Variants in CSGALNACT1 observed in about 807,000 individuals in gnomAD.
The protein encoded by CSGALNACT1 is beta4GalNAcT-1.
A neutral mutation model predicts 51.0 loss-of-function variants in CSGALNACT1; 52 were observed. The observed-to-expected ratio is 1.02, with a 90% confidence interval of 0.82 to 1.29. The LOEUF (loss-of-function observed/expected upper bound fraction) is 1.29, where lower values mean the gene tolerates loss of function less well. CSGALNACT1 is among the 50% of genes most tolerant of loss of function. The pLI, the probability that CSGALNACT1 is intolerant of heterozygous loss-of-function variation, is 0.00. For missense variants in CSGALNACT1, 935 were observed against 679.2 expected (o/e 1.38, Z -4.19); for synonymous variants, 341 against 254.4 (o/e 1.34, Z -3.24).
chr8:19,599,472 A>AAAAGAGAG (rs1554751248), intron 2 of CSGALNACT1, among the ~76,000 whole-genome samples: 1 of 113,736 alleles, frequency 8.8e-6, no homozygotes, highest in Non-Finnish European at 1.7e-5. Context: ...GAAAGAAAGA[A>AAAAGAGAG]AAAGAAAGAA....
chr8:19,635,357 G>C (rs2055892742), intron 1 of CSGALNACT1, among the ~76,000 whole-genome samples: 1 of 152,200 alleles, frequency 6.6e-6, no homozygotes, highest in African/African-American at 2.4e-5. Flanking sequence ...AGCATCTCCT[G>C]ATGTGTGTTG....
intron 1 of CSGALNACT1, among the ~76,000 whole-genome samples, chr8:19,610,750 T>C (rs1321222627): frequency 6.6e-6 from 1 of 152,192 alleles, no homozygotes; most frequent in Admixed American, 6.5e-5. Flanking sequence ...CTTGCACCCA[T>C]TCTGCAAAGC....
chr8:19,413,987 G>A (rs1387243156), intron 8 of CSGALNACT1, among the ~76,000 whole-genome samples: 3 of 152,160 alleles, frequency 2.0e-5, no homozygotes, highest in African/African-American at 4.8e-5. Context: ...CCCAACAAGG[G>A]CTCAGGGCTT....
chr8:19,752,895 A>G (rs2065128895), intron 1 of CSGALNACT1, among the ~76,000 whole-genome samples: 2 of 152,218 alleles, frequency 1.3e-5, no homozygotes, highest in Admixed American at 1.3e-4. Flanking sequence ...TCTAGCAAAC[A>G]ATTATTTTTG....
At chr8:19,449,958 A>T (rs2062803135) in intron 5 of CSGALNACT1, among the ~76,000 whole-genome samples, 1 of 151,126 alleles carries the variant, frequency 6.6e-6, no homozygotes, top group Non-Finnish European at 1.5e-5. Flanking sequence ...CAGACAATGA[A>T]GTAACCGGCT....
At chr8:19,627,249 T>G (rs1264841301) in intron 1 of CSGALNACT1, among the ~76,000 whole-genome samples, 1 of 152,106 alleles carries the variant, frequency 6.6e-6, no homozygotes, top group Non-Finnish European at 1.5e-5. Context: ...ACAAACCAGA[T>G]GGATGGATCT....
At chr8:19,684,225 G>C (rs1009989202), upstream of CSGALNACT1, among the ~76,000 whole-genome samples, 3 of 152,008 alleles carry the variant, frequency 2.0e-5, no homozygotes, top group Non-Finnish European at 4.4e-5. Context: ...CAGACAGGCA[G>C]ATCAATGCAA....
At chr8:19,619,619 G>C (rs1221345265) in intron 1 of CSGALNACT1, among the ~76,000 whole-genome samples, 1 of 152,180 alleles carries the variant, frequency 6.6e-6, no homozygotes, top group Admixed American at 6.5e-5. Flanking sequence ...TCAGGGCTCA[G>C]TGATTGTTGT....
intron 1 of CSGALNACT1, among the ~76,000 whole-genome samples, chr8:19,610,462 T>A (rs954619735): frequency 2.0e-4 from 31 of 151,970 alleles, no homozygotes; most frequent in Non-Finnish European, 2.2e-4. Context: ...CAACCCATCC[T>A]GTGCCTATAA....
chr8:19,420,667 C>T (rs112331977), intron 6 of CSGALNACT1, 149 bp from the exon 6 acceptor site: 14 of 813,404 alleles, frequency 1.7e-5, no homozygotes, highest in African/African-American at 6.7e-5. Context: ...TACAGAACGG[C>T]CCAGACTCAC....
At position 19,608,330 on chromosome 8, in the gene CSGALNACT1, G is replaced by C. The variant is rs926779339; in HGVS notation, c.-543-6465C>G. On this transcript the variant is annotated intron_variant, in intron 1 of 9. Transcript: ENST00000332246. ...CACCTACTCCAACACAACAATGGAAGTAGCGGTATGGGGAGGGCAGAGGTG... is the reference window on the plus strand; with the variant it reads ...CACCTACTCCAACACAACAATGGAACTAGCGGTATGGGGAGGGCAGAGGTG... Among the ~76,000 whole-genome samples the C allele has an allele frequency of 2.0e-5, 3 of 152,184 alleles. No homozygotes were observed. The South Asian group carries it at 6.2e-4, about 32-fold the overall frequency.
chr8:19,508,857 A>G (rs953121606), intron 3 of CSGALNACT1, among the ~76,000 whole-genome samples: 1 of 152,218 alleles, frequency 6.6e-6, no homozygotes, highest in Non-Finnish European at 1.5e-5. Flanking sequence ...TAAATCGGTG[A>G]TTTGAAAATT....
At chr8:19,661,985 C>T (rs910821316) in intron 1 of CSGALNACT1, among the ~76,000 whole-genome samples, 5 of 150,664 alleles carry the variant, frequency 3.3e-5, no homozygotes, top group African/African-American at 4.9e-5. Context: ...CTGGTGTTCA[C>T]TATCCTGGGA....
chr8:19,621,002 ATGT>A (rs2053756381), intron 1 of CSGALNACT1, among the ~76,000 whole-genome samples: 1 of 152,202 alleles, frequency 6.6e-6, no homozygotes, highest in South Asian at 2.1e-4. Flanking sequence ...CACCGTAAAA[ATGT>A]TGTGAGAAGT....
intron 5 of CSGALNACT1, among the ~76,000 whole-genome samples, chr8:19,447,262 T>C (rs1396914319): frequency 6.6e-6 from 1 of 152,188 alleles, no homozygotes; most frequent in African/African-American, 2.4e-5. Context: ...GTCTGACAGC[T>C]TTGAACTCAC....
intron 1 of CSGALNACT1, among the ~76,000 whole-genome samples, chr8:19,735,712 C>T (rs921834096): frequency 2.0e-5 from 3 of 152,102 alleles, no homozygotes; most frequent in Admixed American, 6.5e-5. Context: ...AACAACTTTA[C>T]ATGAAAAATT....
At chr8:19,641,820 C>T (rs928030727) in intron 1 of CSGALNACT1, 4 of 152,138 alleles carry the variant, frequency 2.6e-5, no homozygotes, top group Admixed American at 6.5e-5. Flanking sequence ...GGTTGTTGGC[C>T]GGGGCTTTGC....
rs181369412 is a variant in CSGALNACT1 at position 19,425,290 on chromosome 8, G to A, written c.954-4772C>T. ...TGGGAAATGGAGGTTGCTGTGAGCC[G>A]AGATCGTGCCATTGTGCTCTAACTT... On this transcript the variant is annotated intron_variant, in intron 6 of 9. Coordinates refer to ENST00000454498, the Ensembl canonical transcript of CSGALNACT1. Among the ~76,000 whole-genome samples the A allele has an allele frequency of 3.9e-5, 6 of 152,270 alleles. No homozygotes were observed. In the South Asian group the frequency reaches 8.3e-4, roughly 21 times the overall value.
chr8:19,506,321 C>T (rs1330821335), intron 3 of CSGALNACT1, among the ~76,000 whole-genome samples, 191 bp from the exon 3 acceptor site: 6 of 152,114 alleles, frequency 3.9e-5, no homozygotes, highest in Non-Finnish European at 8.8e-5. Flanking sequence ...AAATAAGCAA[C>T]AAAGGACAGA....
Sources: gnomAD v4.1 joint callset for allele counts (sites outside exome capture counted in the v4.1 genomes callset) on GRCh38, gnomAD v4.1.1 for gene constraint, MANE v1.5 for transcripts, NCBI Gene and HGNC (gene_info 2026-07-23, HGNC 2026-07-21) for gene names.